Variants in PLOD3 observed in about 807,000 individuals in gnomAD.
PLOD3 encodes multifunctional procollagen lysine hydroxylase and glycosyltransferase LH3.
A neutral mutation model predicts 96.9 loss-of-function variants in PLOD3; 73 were observed. The observed-to-expected ratio is 0.75, with a 90% CI of 0.62 to 0.92. PLOD3 has a LOEUF of 0.92. PLOD3 is among the 40% of genes least tolerant of loss of function. The pLI, the probability that PLOD3 is intolerant of heterozygous loss-of-function variation, is 0.00. For missense variants in PLOD3, 1,004 were observed against 1,004.3 expected, an observed-to-expected ratio of 1.00 and a Z score of 0.00; for synonymous variants, 454 against 413.7, an observed-to-expected ratio of 1.10 and a Z score of -1.18.
At position 101,217,310 on chromosome 7, in the gene PLOD3, G is replaced by C; in HGVS notation, c.-36C>G. 1 of 1,388,630 alleles carries C rather than the reference G, an allele frequency of 7.2e-7. No homozygotes were observed. The highest frequency in any genetic ancestry group is 1.5e-5 in the African/African-American group (1 of 65,908). The allele number at this position is 1,388,630 out of a possible 1,614,324, so 86.0% of individuals were successfully genotyped here. A position where few individuals can be genotyped will look rare whatever the true frequency, so the allele number is the denominator to read the frequency against. ...GGGCCCAGACAGCACCCAGGATCCT[G>C]GGATCTCCGCTACGCGCCTGGATCC... On this transcript the variant is annotated 5_prime_UTR_variant, in exon 1 of 19. Transcript: ENST00000223127.
intron 14 of PLOD3, 84 bp downstream of exon 14, chr7:101,210,247 C>T (rs1180452799): frequency 3.6e-5 from 53 of 1,484,318 alleles, no homozygotes; most frequent in African/African-American, 9.7e-5. Flanking sequence ...CAGTGTCCTG[C>T]GCTGGCAGCA....
intron 16 of PLOD3, 69 bp from the exon 17 acceptor site, chr7:101,207,793 C>A: frequency 6.5e-7 from 1 of 1,546,882 alleles, no homozygotes; most frequent in Non-Finnish European, 8.9e-7. Context: ...GGCAGTCCAG[C>A]CTCCTTCCTC....
rs775566357 is a variant in PLOD3 at position 101,212,529 on chromosome 7, C to A, written c.1005+1G>T. ...GAGAGGCTCCAACAGGGGAGTCTCA[C>A]GTTGTTGTGCAGGAAAAGGGTGACC... is the stretch of plus-strand genomic sequence containing the variant. On this transcript the variant is annotated splice_donor_variant, in intron 9 of 18. Transcript: ENST00000223127. LOFTEE classifies it high-confidence loss of function. The A allele has an allele frequency of 1.2e-6, 2 of 1,613,424 alleles. No homozygotes were observed. Among genetic ancestry groups the A allele is most frequent in the Non-Finnish European group, 1.7e-6 (2 of 1,179,778 alleles).
rs115948804 is a variant in PLOD3 at position 101,212,421 on chromosome 7, G to A, written c.1006-47C>T. The A allele has an allele frequency of 2.4e-3, 3,791 of 1,602,928 alleles. 54 individuals carry two copies. In the African/African-American group the frequency reaches 0.039, roughly 17 times the overall value. On this transcript the variant is annotated intron_variant, in intron 9 of 18. Coordinates refer to ENST00000223127, the MANE Select transcript of PLOD3 (RefSeq NM_001084.5). ...GGATGGGCTCAGAGGGCAGGGAGGC[G>A]GCACCTGAGGGATGGGGGTGCAGGA...
intron 12 of PLOD3, 39 bp downstream of exon 12, chr7:101,211,552 G>T (rs1361616608): frequency 6.3e-7 from 1 of 1,582,294 alleles, no homozygotes; most frequent in Admixed American, 1.8e-5. Context: ...TGGGCCCCGG[G>T]TCGGAGGAGG....
At position 101,217,498 on chromosome 7, in the gene PLOD3, C is replaced by A; in HGVS notation, c.-224G>T. On this transcript the variant is annotated 5_prime_UTR_variant, in exon 1 of 19. Coordinates refer to ENST00000223127, the MANE Select transcript of PLOD3 (RefSeq NM_001084.5). ...GACAAGGCGAGGATTGTCCCGGGCG[C>A]ACGGGAGGCGGGGGAGGGGCGGCGG... The A allele has an allele frequency of 2.0e-6, 1 of 500,666 alleles. No homozygotes were observed. The highest frequency in any genetic ancestry group is 3.4e-6 in the Non-Finnish European group (1 of 291,748). The allele number at this position is 500,666 out of a possible 1,614,324, so 31.0% of individuals were successfully genotyped here.
At position 101,217,418 on chromosome 7, in the gene PLOD3, C is replaced by G. The variant is rs927517807; in HGVS notation, c.-144G>C. 1.2e-6 allele frequency: 1 copy of G among 808,448 alleles called. No homozygotes were observed. The highest frequency in any genetic ancestry group is 1.8e-5 in the African/African-American group (1 of 55,142). 50.1% of individuals were successfully genotyped at this position (808,448 alleles called of 1,614,324 possible). ...GGGAGCAGCTTGGCTGGGGCTACGC[C>G]CTGAAAAAAAGGCGTATCCGGAGGC... On this transcript the variant is annotated 5_prime_UTR_variant, in exon 1 of 19. Transcript: ENST00000223127.
At chr7:101,216,663 ACCCCCTC>A (rs769119712) in intron 2 of PLOD3, 25 bp downstream of exon 2, 2 of 1,606,142 alleles carry the variant, frequency 1.2e-6, no homozygotes, top group Non-Finnish European at 1.7e-6. Flanking sequence ...TCCTGCTGGG[ACCCCCTC>A]CCAGGGGCCT....
chr7:101,210,847 G>T (rs1014124468), intron 12 of PLOD3, 174 bp from the exon 13 acceptor site: 10 of 642,824 alleles, frequency 1.6e-5, no homozygotes, highest in Non-Finnish European at 2.7e-5. Flanking sequence ...AATGCGGTCA[G>T]TTCCTACCCC....
At chr7:101,209,899 G>A (rs1562892177) in intron 15 of PLOD3, 194 bp downstream of exon 15, 8 of 582,046 alleles carry the variant, frequency 1.4e-5, no homozygotes, top group Non-Finnish European at 2.4e-5. Flanking sequence ...ATATACAGGA[G>A]AAGAGGCTGT....
In PLOD3 at chr7:101,216,629, G is replaced by A; in HGVS notation, c.201+66C>T. On this transcript the variant is annotated intron_variant, in intron 2 of 18. Coordinates refer to ENST00000223127, the MANE Select transcript of PLOD3 (RefSeq NM_001084.5). ...TGACCAGGCTTACCGTGGGGACCTG[G>A]GCATCCAGACTTCAGCCCACCCCTC... 11 of 1,608,616 alleles carry A rather than the reference G, an allele frequency of 6.8e-6. No individual in the cohort carries two copies. The South Asian group carries it at 1.2e-4, about 18-fold the overall frequency.
chr7:101,217,261 C>G lies in PLOD3; in HGVS notation c.14G>C (p.Gly5Ala). Residue 5 changes from glycine to alanine, a missense_variant, in exon 1 of 19, where the codon GGG becomes GCG. Gly to Ala is a moderately conservative substitution (Grantham distance 60). This residue lies in a region of PLOD3 where 690 missense variants were observed against 650.2 expected (regional missense o/e 1.06). Transcript: ENST00000223127. MTSSGPGPRFLLLLP... is the reference protein window; with the variant it reads MTSSAPGPRFLLLLP... ...CAGCAGCAGGAACCGGGGTCCAGGCCCCGAGGAGGTCATGGTGGGGAGCGG... is the reference window on the plus strand; with the variant it reads ...CAGCAGCAGGAACCGGGGTCCAGGCGCCGAGGAGGTCATGGTGGGGAGCGG... The G allele has an allele frequency of 6.7e-7, 1 of 1,488,028 alleles. No homozygotes were observed. The highest frequency in any genetic ancestry group is 8.9e-7 in the Non-Finnish European group (1 of 1,120,310). The allele number at this position is 1,488,028 out of a possible 1,614,324, so 92.2% of individuals were successfully genotyped here. A position where few individuals can be genotyped will look rare whatever the true frequency, so the allele number is the denominator to read the frequency against.
chr7:101,206,118 A>AG lies in PLOD3; in HGVS notation c.*162dup. On this transcript the variant is annotated 3_prime_UTR_variant, in exon 19 of 19. Transcript: ENST00000223127. ...GCGGGGACTCCGGGAGCTTCCTGAG[A>AG]GGGCCGTGTCTTGGGAGCAAGGTGA... 1.2e-6 allele frequency: 1 copy of AG among 806,104 alleles called. No individual in the cohort carries two copies. Among genetic ancestry groups the AG allele is most frequent in the Non-Finnish European group, 2.1e-6 (1 of 469,332 alleles). 49.9% of individuals were successfully genotyped at this position (806,104 alleles called of 1,614,324 possible).
rs529293492 is a variant in PLOD3, at chr7:101,211,658, C to A, written c.1291G>T (p.Ala431Ser). The A allele has an allele frequency of 3.1e-6, 5 of 1,606,652 alleles. No individual in the cohort carries two copies. Among genetic ancestry groups the A allele is most frequent in the African/African-American group, 1.3e-5 (1 of 74,874 alleles). Residue 431 changes from alanine to serine, a missense_variant, in exon 12 of 19, where the codon GCC (alanine) becomes TCC (serine). Around this residue, in one of 5 missense-constraint regions of PLOD3, gnomAD observed 690 missense variants for 650.2 expected, o/e 1.06. Transcript: ENST00000223127. ...GCGTAGTACTCATCGGGGCTCAGGG[C>A]GCCCCAGAAGTTGGACCACAGCTTG... The part of the protein sequence containing the change: ...HGKLWSNFWG[A>S]LSPDEYYARS...
At chr7:101,210,802 C>CA in intron 12 of PLOD3, 129 bp from the exon 13 acceptor site, 4 of 1,002,704 alleles carry the variant, frequency 4.0e-6, no homozygotes, top group Non-Finnish European at 6.0e-6. Flanking sequence ...TGTCCCTTGT[C>CA]AAGCACTGCT....
Position 101,210,676 on chromosome 7 carries a change from G to A in PLOD3, c.1359-3C>T, listed in dbSNP as rs374610607. ...TGTATGGTACATTCCACACACCCCTGGAGGCACCGACACCGCGGTCAGCTG... is the reference window on the plus strand; with the variant it reads ...TGTATGGTACATTCCACACACCCCTAGAGGCACCGACACCGCGGTCAGCTG... On this transcript the variant is annotated splice_polypyrimidine_tract_variant and splice_region_variant and intron_variant, in intron 12 of 18. Transcript: ENST00000223127. 1.1e-5 allele frequency: 18 copies of A among 1,613,530 alleles called. No individual in the cohort carries two copies. The highest frequency in any genetic ancestry group is 1.5e-5 in the Non-Finnish European group (18 of 1,179,822).
At chr7:101,208,533 A>G in intron 16 of PLOD3, 1 of 365,040 alleles carries the variant, frequency 2.7e-6, no homozygotes, top group Non-Finnish European at 5.4e-6. Context: ...GAGCCACCGC[A>G]CCTGGCCCAA....
chr7:101,212,329 G>A lies in PLOD3; in HGVS notation c.1051C>T (p.Gln351Ter). The part of the protein sequence containing the change: ...PHIADSWPQL[Q>*]DHFSAVKLVG... ...AGCTTCACAGCTGAGAAGTGGTCCTGGAGCTGCGGCCAGGAGTCAGCGATG... is the reference window on the plus strand; with the variant it reads ...AGCTTCACAGCTGAGAAGTGGTCCTAGAGCTGCGGCCAGGAGTCAGCGATG... Residue 351 changes from glutamine (Q) to a stop codon, truncating the protein, a stop_gained, in exon 10 of 19, where the codon CAG (glutamine) becomes TAG (stop). Transcript: ENST00000223127. LOFTEE classifies it high-confidence loss of function. 3 of 1,613,918 alleles carry A rather than the reference G, an allele frequency of 1.9e-6. No individual in the cohort carries two copies. The highest frequency in any genetic ancestry group is 1.7e-6 in the Non-Finnish European group (2 of 1,179,954).
rs1798181067 is a variant in PLOD3, at chr7:101,211,575, G to A, written c.1358+16C>T. 6.3e-7 allele frequency: 1 copy of A among 1,595,580 alleles called. No homozygotes were observed. The highest frequency in any genetic ancestry group is 8.5e-7 in the Non-Finnish European group (1 of 1,172,190). ...GGGTCGGAGGAGGCGGGGGGCTGCA[G>A]GCTGGCGGGACTCACACTCGCTTCC... On this transcript the variant is annotated intron_variant, in intron 12 of 18. Coordinates refer to ENST00000223127, the MANE Select transcript of PLOD3 (RefSeq NM_001084.5).
Sources: gnomAD v4.1 joint callset for allele counts on GRCh38, gnomAD v4.1.1 for gene constraint, gnomAD v4.1.1 regional missense constraint, MANE v1.5 for transcripts, NCBI Gene and HGNC (gene_info 2026-07-23, HGNC 2026-07-21) for gene names.